KDM2B: variants seen among roughly 807,000 people sequenced by gnomAD.
KDM2B encodes the protein lysine demethylase 2B, also known as lysine-specific demethylase 2B.
Under a neutral mutation model 150.0 loss-of-function variants are expected in KDM2B, and 26 were observed. The ratio of observed to expected loss-of-function variants is 0.17; its 90% confidence interval spans 0.13 to 0.24. The LOEUF is 0.24. KDM2B is among the 10% of genes least tolerant of loss of function. The pLI is 1.00. For synonymous variants in KDM2B, 734 were observed against 729.5 expected, an observed-to-expected ratio of 1.01 and a Z score of -0.10; for missense variants, 1,265 against 1,816.9, an observed-to-expected ratio of 0.70 and a Z score of 5.52.
At chr12:121,482,206 T>C (rs2140059644) in intron 12 of KDM2B, among the ~76,000 whole-genome samples, 1 of 152,352 alleles carries the variant, frequency 6.6e-6, no homozygotes. Context: ...GTAAAATGGT[T>C]CTAAAACAGA....
chr12:121,416,512 T>C, the KDM2B span: 1 of 651,572 alleles, frequency 1.5e-6, no homozygotes, highest in Non-Finnish European at 2.7e-6. Context: ...CCATTTTCCA[T>C]CTAGAAAAAT....
At position 121,429,185 on chromosome 12, in the gene KDM2B, T is replaced by C. The variant is rs1332268721; in HGVS notation, c.*1103A>G. 1.3e-5 allele frequency: 2 copies of C among 152,686 alleles called. No homozygotes were observed. Among genetic ancestry groups the C allele is most frequent in the African/African-American group, 4.8e-5 (2 of 41,462 alleles). 9.5% of individuals were successfully genotyped at this position (152,686 alleles called of 1,614,324 possible). A position where few individuals can be genotyped will look rare whatever the true frequency, so the allele number is the denominator to read the frequency against. ...AACCCTCAAAGTTCAAGAGTGGTTT[T>C]TTTTGTACAATTGTTTATACAAATT... On this transcript the variant is annotated 3_prime_UTR_variant, in exon 23 of 23. Coordinates refer to ENST00000377071, the MANE Select transcript of KDM2B (RefSeq NM_032590.5).
chr12:121,529,656 G>A lies in KDM2B; in HGVS notation c.931+3150C>T, dbSNP rs543945484. Among the ~76,000 whole-genome samples, 46 of 152,108 alleles carry A rather than the reference G, an allele frequency of 3.0e-4. No homozygotes were observed. The East Asian group carries it at 7.4e-3, about 24-fold the overall frequency. On this transcript the variant is annotated intron_variant, in intron 8 of 22. Transcript: ENST00000377071. ...TAAAATACTCATCTAGGGGCTGGGC[G>A]CGGTGGCTCATGTCTGTAATCCCAG...
chr12:121,420,186 C>G, the KDM2B span: 1 of 1,537,412 alleles, frequency 6.5e-7, no homozygotes, highest in East Asian at 2.3e-5. Context: ...AAGGTTTTCT[C>G]TAGTGATAAA....
At chr12:121,565,816 G>A (rs529286760) in intron 4 of KDM2B, among the ~76,000 whole-genome samples, 6 of 151,972 alleles carry the variant, frequency 3.9e-5, no homozygotes, top group South Asian at 2.1e-4. Context: ...TAGTAGAGAC[G>A]GGGTTTCACC....
the KDM2B span, among the ~76,000 whole-genome samples, chr12:121,419,746 T>C: frequency 6.6e-6 from 1 of 152,232 alleles, no homozygotes; most frequent in Non-Finnish European, 1.5e-5. Context: ...GCCTCAGCCA[T>C]CAGTGAAGTC....
chr12:121,503,709 G>A (rs1884804621), intron 11 of KDM2B, among the ~76,000 whole-genome samples: 1 of 152,214 alleles, frequency 6.6e-6, no homozygotes, highest in South Asian at 2.1e-4. Flanking sequence ...TGGGTAGCTG[G>A]CCAAAGCCAG....
Position 121,549,073 on chromosome 12 carries a change from C to A in KDM2B, c.577-90G>T. The A allele has an allele frequency of 2.9e-6, 3 of 1,034,896 alleles. No individual in the cohort carries two copies. The highest frequency in any genetic ancestry group is 2.0e-5 in the Admixed American group (1 of 50,812). The allele number at this position is 1,034,896 out of a possible 1,614,324, so 64.1% of individuals were successfully genotyped here. ...TCCCCGGAGAGTCCTTGGGCCCCCC[C>A]GCTCCCCCAATCTACTGTGGGCTCA... On this transcript the variant is annotated intron_variant, in intron 5 of 22. Transcript: ENST00000377071. This position sits in a 1 kb window ranked among gnomAD's most constrained non-coding sequence, Gnocchi z 4.4.
At chr12:121,508,963 A>G (rs1885334058) in intron 11 of KDM2B, among the ~76,000 whole-genome samples, 1 of 152,226 alleles carries the variant, frequency 6.6e-6, no homozygotes, top group Admixed American at 6.5e-5. Context: ...CAACTGCTGC[A>G]CATGTCACAC....
intron 4 of KDM2B, among the ~76,000 whole-genome samples, chr12:121,559,667 G>A (rs28544217): frequency 7.1e-4 from 108 of 152,154 alleles, no homozygotes; most frequent in Non-Finnish European, 8.2e-4. Flanking sequence ...TTGGGAGGCC[G>A]AGGCAGGAGG....
intron 4 of KDM2B, among the ~76,000 whole-genome samples, chr12:121,572,400 T>TCTCA (rs777271396): frequency 3.9e-5 from 6 of 152,158 alleles, no homozygotes; most frequent in East Asian, 1.9e-4. Context: ...TCTGCCACTT[T>TCTCA]CTCACTCACT....
At chr12:121,425,096 G>A (rs145651601), downstream of KDM2B, among the ~76,000 whole-genome samples, 34 of 152,166 alleles carry the variant, frequency 2.2e-4, 1 homozygote, top group East Asian at 5.8e-3. Context: ...TGGATCATGA[G>A]GTCAAGAGTT....
At chr12:121,445,204 C>G (rs1555289868) in intron 14 of KDM2B, 71 bp downstream of exon 14, 2 of 1,550,148 alleles carry the variant, frequency 1.3e-6, no homozygotes, top group East Asian at 4.5e-5. Flanking sequence ...ATCCCACCAT[C>G]TCACCAGCAT....
Position 121,544,734 on chromosome 12 carries a change from G to A in KDM2B, c.683+4143C>T, listed in dbSNP as rs1323101840. 6.6e-5 allele frequency among the ~76,000 whole-genome samples: 10 copies of A among 152,168 alleles called. No individual in the cohort carries two copies. The East Asian group carries it at 1.2e-3, about 18-fold the overall frequency. On this transcript the variant is annotated intron_variant, in intron 6 of 22. Coordinates refer to ENST00000377071, the MANE Select transcript of KDM2B (RefSeq NM_032590.5). ...TCGAGACCGGCCTGGCCAACATGGT[G>A]AAACCCTGTCTCTACTAAAAATACA...
intron 11 of KDM2B, among the ~76,000 whole-genome samples, chr12:121,504,861 A>C (rs1884904498): frequency 6.6e-6 from 1 of 152,166 alleles, no homozygotes; most frequent in Middle Eastern, 3.2e-3. Context: ...TCACGCCTGT[A>C]ATCCCAGCAC....
At chr12:121,454,760 C>T (rs1190580219) in intron 12 of KDM2B, among the ~76,000 whole-genome samples, 2 of 152,116 alleles carry the variant, frequency 1.3e-5, no homozygotes, top group Non-Finnish European at 2.9e-5. Context: ...AGAGTCCCAC[C>T]CTCTTCATTT....
chr12:121,485,726 G>A (rs945074602), intron 12 of KDM2B, among the ~76,000 whole-genome samples: 31 of 151,890 alleles, frequency 2.0e-4, no homozygotes, highest in African/African-American at 1.7e-4. Flanking sequence ...TGCACAACAC[G>A]TTCAATAATA....
At chr12:121,459,741 A>C (rs556128682) in intron 12 of KDM2B, among the ~76,000 whole-genome samples, 1 of 152,230 alleles carries the variant, frequency 6.6e-6, no homozygotes, top group South Asian at 2.1e-4. Context: ...GAGGCAAGAG[A>C]ATCGCTTGAA....
Position 121,459,203 on chromosome 12 carries a change from T to C in KDM2B, c.1735-5859A>G, listed in dbSNP as rs529336492. Among the ~76,000 whole-genome samples the C allele has an allele frequency of 1.1e-4, 16 of 152,160 alleles. No individual in the cohort carries two copies. In the South Asian group the frequency reaches 2.1e-3, roughly 20 times the overall value. On this transcript the variant is annotated intron_variant, in intron 12 of 22. Coordinates refer to ENST00000377071, the MANE Select transcript of KDM2B (RefSeq NM_032590.5). ...AGACCTATAGATCAATGAAACAGAA[T>C]TGAGAGTCCAGAAATAAAGTCATAT...
Sources: allele counts gnomAD v4.1 joint callset (sites outside exome capture counted in the v4.1 genomes callset), GRCh38; gene constraint gnomAD v4.1.1; non-coding constraint Gnocchi (gnomAD v3.1); transcripts MANE v1.5; gene names NCBI Gene and HGNC (gene_info 2026-07-23, HGNC 2026-07-21).